The following HDAC9 variants were observed in gnomAD, a reference collection of about 807,000 sequenced individuals.
The protein encoded by HDAC9 is histone deacetylase 9.
A neutral mutation model predicts 139.4 loss-of-function variants in HDAC9; 41 were observed. The ratio of observed to expected loss-of-function variants is 0.29; its 90% CI spans 0.23 to 0.38. HDAC9 has a LOEUF of 0.38. Among genes scored for constraint, HDAC9 ranks in the 10% least tolerant of loss-of-function variants. HDAC9 has a pLI of 1.00. For missense variants in HDAC9, 1,147 were observed against 1,297.0 expected (o/e 0.88, Z 1.78); for synonymous variants, 517 against 476.2 (o/e 1.09, Z -1.12).
At chr7:18,582,437 C>T (rs1828102473) in intron 2 of HDAC9, among the ~76,000 whole-genome samples, 1 of 152,086 alleles carries the variant, frequency 6.6e-6, no homozygotes, top group African/African-American at 2.4e-5. Flanking sequence ...TTTAAAATAC[C>T]AAACCCCAAC....
chr7:18,907,730 C>G (rs776106540), intron 22 of HDAC9, among the ~76,000 whole-genome samples: 1 of 152,000 alleles, frequency 6.6e-6, no homozygotes, highest in African/African-American at 2.4e-5. Context: ...AAAGGGCAAA[C>G]TTGAGAGAGC....
At chr7:18,120,524 T>C (rs1378084524) in intron 1 of HDAC9, among the ~76,000 whole-genome samples, 2 of 152,186 alleles carry the variant, frequency 1.3e-5, no homozygotes, top group Admixed American at 6.5e-5. Flanking sequence ...TGGGAAGTTT[T>C]CTTCATCCTC....
rs530512667 is a variant in HDAC9, at chr7:18,913,240, C to T, written c.2804-22569C>T. Reference sequence around the variant, plus strand: ...CCTTCTGGATAAAAATATCTTAATTCGCCATGTCTAAAATCTGTTTGTATT... The same window carrying T: ...CCTTCTGGATAAAAATATCTTAATTTGCCATGTCTAAAATCTGTTTGTATT... On this transcript the variant is annotated intron_variant, in intron 22 of 25. Coordinates refer to ENST00000686413, the MANE Select transcript of HDAC9 (RefSeq NM_178425.4). 1.4e-4 allele frequency among the ~76,000 whole-genome samples: 21 copies of T among 152,160 alleles called. No individual in the cohort carries two copies. In the South Asian group the frequency reaches 1.9e-3, roughly 14 times the overall value.
At chr7:18,130,395 G>T (rs1301446444) in intron 1 of HDAC9, among the ~76,000 whole-genome samples, 1 of 152,082 alleles carries the variant, frequency 6.6e-6, no homozygotes, top group Admixed American at 6.6e-5. Flanking sequence ...GCTGTTCATA[G>T]TGCCCAATTC....
chr7:18,266,188 A>G (rs1029261450), intron 2 of HDAC9, among the ~76,000 whole-genome samples: 1 of 152,188 alleles, frequency 6.6e-6, no homozygotes, highest in Non-Finnish European at 1.5e-5. Context: ...TTCATTAATT[A>G]CACCATTTAT....
At chr7:18,759,155 T>C (rs1037395487) in intron 14 of HDAC9, among the ~76,000 whole-genome samples, 3 of 152,152 alleles carry the variant, frequency 2.0e-5, no homozygotes, top group Admixed American at 6.6e-5. Context: ...GAGCTGTCTT[T>C]ACTGTTAGTT....
At chr7:18,192,639 T>C (rs1409770292) in intron 2 of HDAC9, among the ~76,000 whole-genome samples, 1 of 152,190 alleles carries the variant, frequency 6.6e-6, no homozygotes, top group Non-Finnish European at 1.5e-5. Flanking sequence ...TTTTAGAATG[T>C]TTCTAAGTAA....
chr7:18,980,757 TC>T lies in HDAC9; in HGVS notation c.3170+4806del, dbSNP rs770946849. On this transcript the variant is annotated intron_variant, in intron 25 of 25. Transcript: ENST00000686413. ...TCTTCTTCTTCTTCCTTCTTCTTCT[TC>T]CTTCTTCTTCTTCTTCTTCCTCTTC... 1.1e-3 allele frequency among the ~76,000 whole-genome samples: 147 copies of T among 134,972 alleles called. 1 individual carries two copies. Among genetic ancestry groups the T allele is most frequent in the Middle Eastern group, 3.8e-3 (1 of 260 alleles). 88.5% of individuals were successfully genotyped at this position (134,972 alleles called of 152,430 possible).
At chr7:18,392,645 G>A (rs1786641680) in intron 1 of HDAC9, among the ~76,000 whole-genome samples, 1 of 151,892 alleles carries the variant, frequency 6.6e-6, no homozygotes, top group African/African-American at 2.4e-5. Flanking sequence ...TCTGTGTATT[G>A]CGCATCCAGA....
intron 2 of HDAC9, among the ~76,000 whole-genome samples, chr7:18,164,530 C>G (rs543225765): frequency 4.6e-5 from 7 of 152,152 alleles, no homozygotes; most frequent in African/African-American, 1.7e-4. Flanking sequence ...GAAAAATAGA[C>G]TCACTTCAGT....
chr7:18,549,750 T>A (rs969872280), intron 2 of HDAC9, among the ~76,000 whole-genome samples: 1 of 152,080 alleles, frequency 6.6e-6, no homozygotes, highest in Non-Finnish European at 1.5e-5. Flanking sequence ...AGGTGGTTTT[T>A]TTTTTTTGGT....
chr7:18,569,975 T>A (rs1326191526), intron 2 of HDAC9, among the ~76,000 whole-genome samples: 2 of 152,226 alleles, frequency 1.3e-5, no homozygotes, highest in African/African-American at 4.8e-5. Context: ...AATTAAAAAG[T>A]AATCTCAAAA....
At chr7:18,348,287 T>C (rs746551321) in intron 1 of HDAC9, among the ~76,000 whole-genome samples, 1 of 152,208 alleles carries the variant, frequency 6.6e-6, no homozygotes, top group Non-Finnish European at 1.5e-5. Flanking sequence ...CGTATGTTCA[T>C]TTAGGAAATG....
chr7:18,684,463 C>CACAAACAA (rs60898555), intron 12 of HDAC9, among the ~76,000 whole-genome samples: 8 of 150,200 alleles, frequency 5.3e-5, no homozygotes, highest in African/African-American at 1.7e-4. Flanking sequence ...TGCAACAACT[C>CACAAACAA]ACAAACAAAC....
At chr7:18,465,404 T>C (rs987821551) in intron 1 of HDAC9, among the ~76,000 whole-genome samples, 1 of 152,100 alleles carries the variant, frequency 6.6e-6, no homozygotes, top group African/African-American at 2.4e-5. Context: ...TCCTTCACTG[T>C]GATCCTTCAT....
At chr7:18,772,807 T>C (rs1481807816) in intron 16 of HDAC9, among the ~76,000 whole-genome samples, 1 of 152,080 alleles carries the variant, frequency 6.6e-6, no homozygotes, top group Non-Finnish European at 1.5e-5. Flanking sequence ...AGAATTTAGT[T>C]TCATGCTGCA....
At chr7:18,240,177 A>G (rs1348500532) in intron 2 of HDAC9, among the ~76,000 whole-genome samples, 1 of 152,160 alleles carries the variant, frequency 6.6e-6, no homozygotes, top group African/African-American at 2.4e-5. Flanking sequence ...TAGATTTATA[A>G]CTGCAAATAC....
intron 24 of HDAC9, among the ~76,000 whole-genome samples, chr7:18,967,990 C>T (rs921026435): frequency 2.0e-5 from 3 of 151,780 alleles, no homozygotes; most frequent in African/African-American, 7.3e-5. Context: ...TGGAGAAACC[C>T]GGTCTCTACT....
intron 12 of HDAC9, among the ~76,000 whole-genome samples, chr7:18,711,806 C>A (rs759390097): frequency 1.3e-5 from 2 of 152,192 alleles, no homozygotes; most frequent in Non-Finnish European, 2.9e-5. Flanking sequence ...CTTTCTACTT[C>A]TTCCTGAAGG....
Sources: allele counts gnomAD v4.1 joint callset (sites outside exome capture counted in the v4.1 genomes callset), GRCh38; gene constraint gnomAD v4.1.1; transcripts MANE v1.5; gene names NCBI Gene and HGNC (gene_info 2026-07-23, HGNC 2026-07-21).